The following KIF26B variants were observed in gnomAD, a reference collection of about 807,000 sequenced individuals.
The protein encoded by KIF26B is kinesin family member 26B.
A neutral mutation model predicts 151.2 loss-of-function variants in KIF26B; 63 were observed. The ratio of observed to expected loss-of-function variants is 0.42; its 90% CI spans 0.34 to 0.51. The LOEUF (loss-of-function observed/expected upper bound fraction) is 0.51, where lower values mean the gene tolerates loss of function less well. Among genes scored for constraint, KIF26B ranks in the 20% least tolerant of loss-of-function variants. The pLI, the probability that KIF26B is intolerant of heterozygous loss-of-function variation, is 0.07. For synonymous variants in KIF26B, 1,357 were observed against 1,262.1 expected (o/e 1.08, Z -1.59); for missense variants, 2,813 against 2,913.6 (o/e 0.97, Z 0.79).
intron 2 of KIF26B, among the ~76,000 whole-genome samples, chr1:245,245,517 G>A (rs797013202): frequency 1.1e-4 from 17 of 152,260 alleles, no homozygotes; most frequent in African/African-American, 3.4e-4. Context: ...GCGGCCGGGC[G>A]CAGTGGCTCA....
chr1:245,482,512 C>A (rs1163144392), intron 4 of KIF26B, among the ~76,000 whole-genome samples: 2 of 151,794 alleles, frequency 1.3e-5, no homozygotes, highest in Non-Finnish European at 2.9e-5. Flanking sequence ...ATACAAACAT[C>A]ATTAACCAAG....
rs6671940 is a variant in KIF26B, at chr1:245,155,106, A to G, written c.-319A>G. ...TCGCTTTCCTCGTGGGGGAGCACGG[A>G]CTGACTTGGCTGAAGAAAATGCCAG... On this transcript the variant is annotated 5_prime_UTR_variant, in exon 1 of 15. Transcript: ENST00000407071. 0.094 allele frequency: 47,363 copies of G among 504,662 alleles called. 2,658 individuals are homozygous for G. Among genetic ancestry groups the G allele is most frequent in the South Asian group, 0.15 (4,478 of 29,500 alleles). The allele number at this position is 504,662 out of a possible 1,614,324, so 31.3% of individuals were successfully genotyped here.
chr1:245,541,036 G>GTAACGTCT, intron 5 of KIF26B, 86 bp downstream of exon 5: 1 of 1,108,376 alleles, frequency 9.0e-7, no homozygotes, highest in South Asian at 1.6e-5. Context: ...GGCCTCCAAT[G>GTAACGTCT]TATTAAAATA....
At chr1:245,323,834 T>C (rs1316836214) in intron 2 of KIF26B, among the ~76,000 whole-genome samples, 1 of 152,144 alleles carries the variant, frequency 6.6e-6, no homozygotes, top group Non-Finnish European at 1.5e-5. Context: ...GGGAAGCATA[T>C]GGTGGACTTG....
intron 2 of KIF26B, among the ~76,000 whole-genome samples, chr1:245,278,415 A>G (rs1319346481): frequency 1.3e-5 from 2 of 151,914 alleles, no homozygotes; most frequent in African/African-American, 4.8e-5. Context: ...CATTTTCAGA[A>G]CTCCTTTATT....
At chr1:245,273,393 G>A (rs1251731600) in intron 2 of KIF26B, among the ~76,000 whole-genome samples, 1 of 150,106 alleles carries the variant, frequency 6.7e-6, no homozygotes, top group Non-Finnish European at 1.5e-5. Flanking sequence ...ACTCCTGCCT[G>A]GGGAACAGAG....
intron 9 of KIF26B, among the ~76,000 whole-genome samples, chr1:245,644,281 C>T (rs573583802): frequency 2.6e-5 from 4 of 152,070 alleles, no homozygotes; most frequent in Admixed American, 1.3e-4. Context: ...TTCATCTCAT[C>T]TACTATATTT....
chr1:245,170,044 A>G lies in KIF26B; in HGVS notation c.465+13361A>G, dbSNP rs1162118240. Among the ~76,000 whole-genome samples the G allele has an allele frequency of 1.3e-5, 2 of 150,048 alleles. No homozygotes were observed. The highest frequency in any genetic ancestry group is 3.0e-5 in the Non-Finnish European group (2 of 67,424). On this transcript the variant is annotated intron_variant, in intron 2 of 14. Transcript: ENST00000407071. The surrounding 1 kb of genome is among the most constrained non-coding windows in gnomAD (Gnocchi z 4.4). ...TACCAAGTAGATTTCTGGTGTTTTG[A>G]AAAAAAAAATCACCCGTCCACTGCT...
At chr1:245,174,456 C>G (rs6691164) in intron 2 of KIF26B, among the ~76,000 whole-genome samples, 122,699 of 152,038 alleles carry the variant, frequency 0.81, 51,150 homozygotes, top group Non-Finnish European at 0.91. Context: ...ACAGAGAGAC[C>G]AAGAAACTCT....
At chr1:245,592,803 C>G (rs913433348) in intron 5 of KIF26B, among the ~76,000 whole-genome samples, 1 of 152,180 alleles carries the variant, frequency 6.6e-6, no homozygotes, top group African/African-American at 2.4e-5. Context: ...TACTTTTGTT[C>G]TGTAACTCAT....
chr1:245,305,616 A>G (rs1671520946), intron 2 of KIF26B, among the ~76,000 whole-genome samples: 1 of 152,168 alleles, frequency 6.6e-6, no homozygotes, highest in African/African-American at 2.4e-5. Context: ...GGATGTGGAG[A>G]AATTGAATCC....
intron 5 of KIF26B, among the ~76,000 whole-genome samples, chr1:245,541,589 C>T (rs1393389789): frequency 3.9e-5 from 6 of 152,200 alleles, no homozygotes; most frequent in Admixed American, 6.5e-5. Context: ...AAGTAACTTA[C>T]GGTTTACTCA....
chr1:245,198,806 A>T (rs1410431252), intron 2 of KIF26B, among the ~76,000 whole-genome samples: 1 of 151,290 alleles, frequency 6.6e-6, no homozygotes. Flanking sequence ...AACAAATAAT[A>T]ATAAATAACT....
chr1:245,626,727 T>C (rs114577088), intron 9 of KIF26B, among the ~76,000 whole-genome samples: 2,734 of 152,310 alleles, frequency 0.018, 36 homozygotes, highest in South Asian at 0.053. Flanking sequence ...AGAACGTTTT[T>C]AGTTTAACAT....
Position 245,156,557 on chromosome 1 carries a change from C to A in KIF26B, c.339C>A (p.Ser113=), listed in dbSNP as rs577217671. The A allele has an allele frequency of 1.3e-6, 2 of 1,532,474 alleles. No homozygotes were observed. The highest frequency in any genetic ancestry group is 1.9e-5 in the Admixed American group (1 of 51,972). The allele number at this position is 1,532,474 out of a possible 1,614,324, so 94.9% of individuals were successfully genotyped here. A position where few individuals can be genotyped will look rare whatever the true frequency, so the allele number is the denominator to read the frequency against. Residue 113 remains serine, a synonymous_variant, in exon 2 of 15, where the codon TCC becomes TCA. Transcript: ENST00000407071. ...GCTTCGGCACAGGCTCCCCGGGCTC[C>A]GGCAGCGGCGGCGGCTCCTCCCCCG... ...SPGFGTGSPG[S]GSGGGSSPGS... is the part of the protein sequence containing the mutation.
At chr1:245,671,027 C>G (rs1229255778) in intron 10 of KIF26B, among the ~76,000 whole-genome samples, 1 of 152,178 alleles carries the variant, frequency 6.6e-6, no homozygotes, top group Admixed American at 6.5e-5. Context: ...TGGTAACCAT[C>G]CTTCTACTCT....
At chr1:245,690,740 T>TGGG (rs199665870) in intron 12 of KIF26B, among the ~76,000 whole-genome samples, 8 of 149,758 alleles carry the variant, frequency 5.3e-5, no homozygotes, top group African/African-American at 1.2e-4. Flanking sequence ...TTTATTTGCC[T>TGGG]GGGGGGGGGG....
At chr1:245,552,673 G>A (rs1171253144) in intron 5 of KIF26B, among the ~76,000 whole-genome samples, 2 of 150,370 alleles carry the variant, frequency 1.3e-5, no homozygotes, top group Non-Finnish European at 2.9e-5. Flanking sequence ...AGTGCAGTGG[G>A]GCGATCTTGG....
chr1:245,211,222 G>C (rs1295933946), intron 2 of KIF26B, among the ~76,000 whole-genome samples: 1 of 152,170 alleles, frequency 6.6e-6, no homozygotes, highest in Non-Finnish European at 1.5e-5. Context: ...AAGATCCCCA[G>C]ACATGTGTCT....
Sources: gnomAD v4.1 joint callset for allele counts (sites outside exome capture counted in the v4.1 genomes callset) on GRCh38, gnomAD v4.1.1 for gene constraint, Gnocchi (gnomAD v3.1) non-coding constraint, MANE v1.5 for transcripts, NCBI Gene and HGNC (gene_info 2026-07-23, HGNC 2026-07-21) for gene names.